The following KIF26B variants were observed in gnomAD, a reference collection of about 807,000 sequenced individuals.
KIF26B encodes the protein kinesin-like protein KIF26B.
Under a neutral mutation model 151.2 loss-of-function variants are expected in KIF26B, and 63 were observed. That is an observed-to-expected ratio of 0.42 (90% confidence interval 0.34 to 0.51). The LOEUF is 0.51. Ranked by LOEUF, KIF26B falls within the 20% of genes least tolerant of loss-of-function variation. The probability of loss-of-function intolerance (pLI) is 0.07; values close to 1 mark genes in which losing one functional copy is unlikely to be tolerated. For synonymous variants in KIF26B, 1,357 were observed against 1,262.1 expected, an observed-to-expected ratio of 1.08 and a Z score of -1.59; for missense variants, 2,813 against 2,913.6, an observed-to-expected ratio of 0.97 and a Z score of 0.79.
At chr1:245,634,475 C>A (rs1228769826) in intron 9 of KIF26B, among the ~76,000 whole-genome samples, 2 of 152,104 alleles carry the variant, frequency 1.3e-5, no homozygotes, top group Admixed American at 6.6e-5. Context: ...TTAGTAGATA[C>A]CTTTTATTAA....
chr1:245,228,567 C>CA lies in KIF26B; in HGVS notation c.465+71897dup, dbSNP rs111647275. 3.8e-3 allele frequency among the ~76,000 whole-genome samples: 444 copies of CA among 115,546 alleles called. 1 individual carries two copies. The highest frequency in any genetic ancestry group is 5.0e-3 in the East Asian group (20 of 4,026). 75.8% of individuals were successfully genotyped at this position (115,546 alleles called of 152,430 possible). Reference sequence around the variant, plus strand: ...GGCAACAAGAGCAAAAACTCCATCTCAAAAAAAAAAAAACAAAAGGCAGTT... The same window carrying CA: ...GGCAACAAGAGCAAAAACTCCATCTCAAAAAAAAAAAAAACAAAAGGCAGTT... On this transcript the variant is annotated intron_variant, in intron 2 of 14. Coordinates refer to ENST00000407071, the MANE Select transcript of KIF26B (RefSeq NM_018012.4).
At chr1:245,595,879 G>A (rs1357891140) in intron 5 of KIF26B, among the ~76,000 whole-genome samples, 2 of 152,114 alleles carry the variant, frequency 1.3e-5, no homozygotes, top group Non-Finnish European at 2.9e-5. Context: ...CTTCTTCTTG[G>A]TTTAGGCTTG....
At chr1:245,158,930 A>C (rs1389225066) in intron 2 of KIF26B, among the ~76,000 whole-genome samples, 1 of 151,872 alleles carries the variant, frequency 6.6e-6, no homozygotes, top group East Asian at 1.9e-4. Context: ...TACCTTTAGC[A>C]TTTGCAACCT....
chr1:245,668,411 AATCTT>A (rs2044241786), intron 10 of KIF26B, among the ~76,000 whole-genome samples: 1 of 151,456 alleles, frequency 6.6e-6, no homozygotes. Flanking sequence ...AAAAAACTCT[AATCTT>A]AATTCTTTTT....
intron 3 of KIF26B, among the ~76,000 whole-genome samples, chr1:245,386,236 G>C (rs1029966015): frequency 6.6e-6 from 1 of 150,588 alleles, no homozygotes; most frequent in African/African-American, 2.4e-5. Context: ...GCAAGACTGT[G>C]TCTCAAAAAA....
At chr1:245,627,102 C>T (rs1771511) in intron 9 of KIF26B, among the ~76,000 whole-genome samples, 110,156 of 152,026 alleles carry the variant, frequency 0.72, 39,951 homozygotes, top group East Asian at 0.89. Flanking sequence ...TGTCTTTTTA[C>T]GTCAATACCA....
At chr1:245,317,771 C>T (rs1004505894) in intron 2 of KIF26B, among the ~76,000 whole-genome samples, 3 of 152,156 alleles carry the variant, frequency 2.0e-5, no homozygotes, top group South Asian at 2.1e-4. Flanking sequence ...GTGTGCTGGG[C>T]GGGAAAGTAC....
rs1470145710 is a variant in KIF26B at position 245,684,155 on chromosome 1, G to A, written c.2259-78G>A. 2.7e-6 allele frequency: 4 copies of A among 1,499,868 alleles called. No homozygotes were observed. In the African/African-American group the frequency reaches 5.5e-5, roughly 21 times the overall value. The allele number at this position is 1,499,868 out of a possible 1,614,324, so 92.9% of individuals were successfully genotyped here. On this transcript the variant is annotated intron_variant, in intron 10 of 14. Transcript: ENST00000407071. ...CCACCACCCACAACAAAATGGCCGT[G>A]TGCAGGCCTGAAGCCCTGCCCTGAG...
In KIF26B at chr1:245,686,092, C is replaced by G. The variant is rs1420916675; in HGVS notation, c.3109C>G (p.Leu1037Val). 1.2e-6 allele frequency: 2 copies of G among 1,605,294 alleles called. No individual in the cohort carries two copies. Among genetic ancestry groups the G allele is most frequent in the African/African-American group, 1.3e-5 (1 of 74,828 alleles). The stretch of plus-strand genomic sequence containing the variant: ...CAGTAGCCAGCACAGCGCCTCCCCA[C>G]TCGTGCAGAGCCCCAGCCTCCAGAG... ...GSSSQHSASP[L>V]VQSPSLQSSR... Residue 1037 changes from leucine (L) to valine (V), a missense_variant, in exon 12 of 15, where the codon CTC becomes GTC. Transcript: ENST00000407071. This position sits in a 1 kb window ranked among gnomAD's most constrained non-coding sequence, Gnocchi z 5.6.
rs964627486 is a variant in KIF26B at position 245,239,661 on chromosome 1, G to A, written c.465+82978G>A. On this transcript the variant is annotated intron_variant, in intron 2 of 14. Transcript: ENST00000407071. This position sits in a 1 kb window ranked among gnomAD's most constrained non-coding sequence, Gnocchi z 4.3. ...TGGGATTACAGGTGCCCGCCACCAC[G>A]CCTGGCTAATTTTTTGTATTTTTAG... Among the ~76,000 whole-genome samples the A allele has an allele frequency of 4.6e-5, 7 of 152,012 alleles. No homozygotes were observed. The highest frequency in any genetic ancestry group is 2.9e-5 in the Non-Finnish European group (2 of 67,972).
Position 245,540,366 on chromosome 1 carries a change from T to TA in KIF26B, c.1167-400dup, listed in dbSNP as rs1254822165. On this transcript the variant is annotated intron_variant, in intron 4 of 14. Coordinates refer to ENST00000407071, the MANE Select transcript of KIF26B (RefSeq NM_018012.4). This position sits in a 1 kb window ranked among gnomAD's most constrained non-coding sequence, Gnocchi z 4.6. ...GACTGGTTTGGATTTTACAAGGTGT[T>TA]AGAGTTTTTAAATTAGCTCATGAGG... 7.2e-5 allele frequency among the ~76,000 whole-genome samples: 11 copies of TA among 152,190 alleles called. No homozygotes were observed. The highest frequency in any genetic ancestry group is 2.4e-4 in the African/African-American group (10 of 41,442).
At chr1:245,211,456 G>A (rs1669527117) in intron 2 of KIF26B, among the ~76,000 whole-genome samples, 1 of 152,008 alleles carries the variant, frequency 6.6e-6, no homozygotes, top group South Asian at 2.1e-4. Context: ...CTGGAGTGCG[G>A]TGGCCCAATC....
intron 2 of KIF26B, among the ~76,000 whole-genome samples, chr1:245,265,016 G>C (rs1157025105): frequency 6.6e-6 from 1 of 150,800 alleles, no homozygotes; most frequent in Non-Finnish European, 1.5e-5. Context: ...TGGCTAACAC[G>C]GTGAAACCCC....
At chr1:245,638,582 G>T (rs1044302459) in intron 9 of KIF26B, among the ~76,000 whole-genome samples, 1 of 151,720 alleles carries the variant, frequency 6.6e-6, no homozygotes, top group Non-Finnish European at 1.5e-5. Flanking sequence ...TTAGTGAAAG[G>T]TTTTCTATTT....
At chr1:245,243,186 A>C (rs1327478791) in intron 2 of KIF26B, among the ~76,000 whole-genome samples, 1 of 152,164 alleles carries the variant, frequency 6.6e-6, no homozygotes, top group Non-Finnish European at 1.5e-5. Context: ...GGACATGCCC[A>C]TCCTGTTTCT....
intron 10 of KIF26B, among the ~76,000 whole-genome samples, chr1:245,656,333 A>G (rs984133234): frequency 1.3e-5 from 2 of 152,200 alleles, no homozygotes; most frequent in Non-Finnish European, 2.9e-5. Flanking sequence ...TGTGTCTTCC[A>G]AAGTTTGCCA....
At chr1:245,511,246 C>T (rs756806642) in intron 4 of KIF26B, 8 of 660,070 alleles carry the variant, frequency 1.2e-5, no homozygotes, top group Admixed American at 2.6e-5. Flanking sequence ...ATGCATAAAC[C>T]ATTTCAAAGA....
chr1:245,378,122 C>G (rs1462895903), intron 3 of KIF26B, among the ~76,000 whole-genome samples: 1 of 152,166 alleles, frequency 6.6e-6, no homozygotes, highest in Non-Finnish European at 1.5e-5. Flanking sequence ...CCTAATCAGA[C>G]TGCTGCTGGG....
At chr1:245,474,451 G>A (rs146962518) in intron 4 of KIF26B, among the ~76,000 whole-genome samples, 2,573 of 139,304 alleles carry the variant, frequency 0.018, 129 homozygotes, top group Admixed American at 0.11. Context: ...TCACTCTGTC[G>A]CCTGGGCTGG....
Sources: gnomAD v4.1 joint callset for allele counts (sites outside exome capture counted in the v4.1 genomes callset) on GRCh38, gnomAD v4.1.1 for gene constraint, Gnocchi (gnomAD v3.1) non-coding constraint, MANE v1.5 for transcripts, NCBI Gene and HGNC (gene_info 2026-07-23, HGNC 2026-07-21) for gene names.